SNPH: variants seen among roughly 807,000 people sequenced by gnomAD.
SNPH encodes the protein syntaphilin.
A neutral mutation model predicts 36.8 loss-of-function variants in SNPH; 10 were observed. The ratio of observed to expected loss-of-function variants is 0.27; its 90% CI spans 0.17 to 0.46. The LOEUF (loss-of-function observed/expected upper bound fraction) is 0.46, where lower values mean the gene tolerates loss of function less well. Among genes scored for constraint, SNPH ranks in the 20% least tolerant of loss-of-function variants. SNPH has a pLI of 1.00. For missense variants in SNPH, 622 were observed against 744.0 expected, an observed-to-expected ratio of 0.84 and a Z score of 1.91; for synonymous variants, 281 against 312.2, an observed-to-expected ratio of 0.90 and a Z score of 1.05.
Position 1,305,197 on chromosome 20 carries a change from A to G in SNPH, c.760A>G (p.Thr254Ala), listed in dbSNP as rs757323118. 6.8e-6 allele frequency: 11 copies of G among 1,611,802 alleles called. No individual in the cohort carries two copies. The South Asian group carries it at 8.8e-5, about 13-fold the overall frequency. Residue 254 changes from threonine to alanine, a missense_variant, in exon 7 of 7, where the codon ACC becomes GCC. Physicochemically the swap from Thr to Ala is moderately conservative, Grantham distance 58. Around this residue, in one of 3 missense-constraint regions of SNPH, gnomAD observed 379 missense variants for 427.9 expected, o/e 0.89. Transcript: ENST00000381867. ...CGGTGGGTCCCCTGCCCGCTCCCTC[A>G]CCCGCAGCTCCACCTACACCAAGCT... The part of the protein sequence containing the change: ...SAGGSPARSL[T>A]RSSTYTKLSD...
intron 5 of SNPH, among the ~76,000 whole-genome samples, chr20:1,300,176 G>A (rs995644902): frequency 6.6e-6 from 1 of 152,208 alleles, no homozygotes; most frequent in Non-Finnish European, 1.5e-5. Context: ...CTCGGGGCAA[G>A]AGCTAACCTC....
At chr20:1,288,375 C>T (rs549606736) in intron 2 of SNPH, among the ~76,000 whole-genome samples, 21 of 152,168 alleles carry the variant, frequency 1.4e-4, no homozygotes, top group African/African-American at 4.3e-4. Flanking sequence ...ACAGCTGAGA[C>T]GAACAGAGGT....
intron 2 of SNPH, among the ~76,000 whole-genome samples, chr20:1,292,872 T>C (rs2088380313): frequency 6.6e-6 from 1 of 152,186 alleles, no homozygotes; most frequent in African/African-American, 2.4e-5. Context: ...AGTGCAAATT[T>C]CTTGTGTAGA....
chr20:1,304,343 T>C lies in SNPH; in HGVS notation c.441-535T>C, dbSNP rs1315390823. On this transcript the variant is annotated intron_variant, in intron 6 of 6. Transcript: ENST00000381867. The surrounding 1 kb of genome is among the most constrained non-coding windows in gnomAD (Gnocchi z 4.3). ...ATCAGCCTCCCCCAACATTGAAAGC[T>C]GTCATTTCTCTCCCCTGGGGTCTCT... 2.6e-5 allele frequency among the ~76,000 whole-genome samples: 4 copies of C among 152,186 alleles called. No homozygotes were observed. Among genetic ancestry groups the C allele is most frequent in the Non-Finnish European group, 5.9e-5 (4 of 68,036 alleles).
intron 2 of SNPH, among the ~76,000 whole-genome samples, chr20:1,281,005 G>C (rs922006229): frequency 6.6e-6 from 1 of 152,150 alleles, no homozygotes; most frequent in Non-Finnish European, 1.5e-5. Flanking sequence ...TGGGTGGAGT[G>C]GGGGGTGTGT....
chr20:1,277,070 C>T (rs1448613132), intron 2 of SNPH, among the ~76,000 whole-genome samples: 2 of 152,090 alleles, frequency 1.3e-5, no homozygotes, highest in Non-Finnish European at 2.9e-5. Context: ...GGAAGGACTC[C>T]AAGGGATCCT....
At chr20:1,269,754 G>A (rs747625988) in intron 2 of SNPH, among the ~76,000 whole-genome samples, 8 of 152,176 alleles carry the variant, frequency 5.3e-5, no homozygotes, top group Non-Finnish European at 1.2e-4. Flanking sequence ...GAGGATAATG[G>A]TTAGGCCTGA....
chr20:1,282,900 C>A (rs1219054483), intron 2 of SNPH, among the ~76,000 whole-genome samples: 1 of 152,150 alleles, frequency 6.6e-6, no homozygotes, highest in Admixed American at 6.5e-5. Context: ...TAGGACAAAG[C>A]CCCTGCTCTT....
intron 2 of SNPH, among the ~76,000 whole-genome samples, chr20:1,267,259 C>G (rs1267839019): frequency 6.6e-6 from 1 of 151,688 alleles, no homozygotes; most frequent in Non-Finnish European, 1.5e-5. Context: ...CTAGAGTGGA[C>G]GATCTGAGCC....
chr20:1,271,542 A>G (rs1370653649), intron 2 of SNPH, among the ~76,000 whole-genome samples: 1 of 152,144 alleles, frequency 6.6e-6, no homozygotes, highest in Non-Finnish European at 1.5e-5. Flanking sequence ...GGGTTTCACC[A>G]TGTTAGCCAG....
At chr20:1,271,174 G>T (rs931607515) in intron 2 of SNPH, among the ~76,000 whole-genome samples, 5 of 152,210 alleles carry the variant, frequency 3.3e-5, no homozygotes, top group African/African-American at 1.2e-4. Flanking sequence ...CAGCACCGAG[G>T]AGTCAGTAGA....
Position 1,305,693 on chromosome 20 carries a change from C to A in SNPH, c.1256C>A (p.Ala419Asp). 6.2e-7 allele frequency: 1 copy of A among 1,610,208 alleles called. No homozygotes were observed. The highest frequency in any genetic ancestry group is 1.1e-5 in the South Asian group (1 of 90,632). ...VVVTVGDELE[A>D]PEPITRGPTP... ...GTGACAGTGGGTGATGAGCTAGAGG[C>A]CCCAGAGCCCATCACCCGTGGACCC... Residue 419 changes from alanine (A) to aspartate (D), a missense_variant, in exon 7 of 7, where the codon GCC becomes GAC. Physicochemically the swap from Ala to Asp is moderately radical, Grantham distance 126. Coordinates refer to ENST00000381867, the MANE Select transcript of SNPH (RefSeq NM_001318234.2).
chr20:1,268,216 A>C (rs2088030891), intron 2 of SNPH, among the ~76,000 whole-genome samples: 1 of 152,216 alleles, frequency 6.6e-6, no homozygotes. Context: ...TGATGGTCCC[A>C]AGGAGGACTG....
rs547032987 is a variant in SNPH at position 1,306,285 on chromosome 20, A to C, written c.*231A>C. 7.1e-6 allele frequency: 3 copies of C among 419,814 alleles called. No homozygotes were observed. Among genetic ancestry groups the C allele is most frequent in the African/African-American group, 6.2e-5 (3 of 48,652 alleles). The allele number at this position is 419,814 out of a possible 1,614,324, so 26.0% of individuals were successfully genotyped here. Reference sequence around the variant, plus strand: ...GGGGACCCAAGGCAGGAGGTACACCAGCTGGACAAATTGCAGGGAGGGGAG... The same window carrying C: ...GGGGACCCAAGGCAGGAGGTACACCCGCTGGACAAATTGCAGGGAGGGGAG... On this transcript the variant is annotated 3_prime_UTR_variant, in exon 7 of 7. Coordinates refer to ENST00000381867, the MANE Select transcript of SNPH (RefSeq NM_001318234.2).
Position 1,307,245 on chromosome 20 carries a change from A to G in SNPH, c.*1191A>G, listed in dbSNP as rs1330529973. On this transcript the variant is annotated 3_prime_UTR_variant, in exon 7 of 7. Transcript: ENST00000381867. The stretch of plus-strand genomic sequence containing the variant: ...CAGGATGGCGCGTACTGAAGCCACG[A>G]TGTTCATCCAGGCCAAAGCAGGGTG... The G allele has an allele frequency of 1.3e-5, 2 of 152,362 alleles. No individual in the cohort carries two copies. Among genetic ancestry groups the G allele is most frequent in the African/African-American group, 4.8e-5 (2 of 41,438 alleles). 9.4% of individuals were successfully genotyped at this position (152,362 alleles called of 1,614,324 possible).
chr20:1,279,866 AG>A (rs2088195947), intron 2 of SNPH, among the ~76,000 whole-genome samples: 1 of 152,108 alleles, frequency 6.6e-6, no homozygotes, highest in Admixed American at 6.5e-5. Context: ...TGGGTGAGTA[AG>A]GTAACTTAGC....
chr20:1,279,613 G>A (rs987827370), intron 2 of SNPH, among the ~76,000 whole-genome samples: 13 of 116,340 alleles, frequency 1.1e-4, no homozygotes, highest in African/African-American at 3.3e-4. Context: ...GAGAGACTCC[G>A]GCTTCTTTTT....
chr20:1,278,084 CTGTGTGTGCCTA>C (rs1229848923), intron 2 of SNPH, among the ~76,000 whole-genome samples: 2 of 108,812 alleles, frequency 1.8e-5, no homozygotes, highest in African/African-American at 8.6e-5. Context: ...GTGTGTGTCT[CTGTGTGTGCCTA>C]TGTGTGTGTC....
rs775214679 is a variant in SNPH at position 1,276,446 on chromosome 20, G to A, written c.-493+9686G>A. On this transcript the variant is annotated intron_variant, in intron 2 of 6. Transcript: ENST00000381867. The surrounding 1 kb of genome is among the most constrained non-coding windows in gnomAD (Gnocchi z 4.6). The stretch of plus-strand genomic sequence containing the variant: ...TGGATACACTTGGACTGCTGTCTCC[G>A]TCTCTGCCGTGGACTGACTTTGTGA... 2.0e-5 allele frequency among the ~76,000 whole-genome samples: 3 copies of A among 152,176 alleles called. No individual in the cohort carries two copies. The highest frequency in any genetic ancestry group is 2.9e-5 in the Non-Finnish European group (2 of 68,038).
Sources: gnomAD v4.1 joint callset for allele counts (sites outside exome capture counted in the v4.1 genomes callset) on GRCh38, gnomAD v4.1.1 for gene constraint, gnomAD v4.1.1 regional missense constraint, Gnocchi (gnomAD v3.1) non-coding constraint, MANE v1.5 for transcripts, NCBI Gene and HGNC (gene_info 2026-07-23, HGNC 2026-07-21) for gene names.